The following PNPLA1 variants were observed in gnomAD, a reference collection of about 807,000 sequenced individuals.
PNPLA1 encodes omega-hydroxyceramide transacylase.
A neutral mutation model predicts 51.7 loss-of-function variants in PNPLA1; 36 were observed. That is an observed-to-expected ratio of 0.70 (90% confidence interval 0.53 to 0.92). The LOEUF is 0.92. PNPLA1 is among the 40% of genes least tolerant of loss of function. The pLI is 0.00. For missense variants in PNPLA1, 658 were observed against 682.5 expected, an observed-to-expected ratio of 0.96 and a Z score of 0.40; for synonymous variants, 293 against 280.1, an observed-to-expected ratio of 1.05 and a Z score of -0.46.
intron 7 of PNPLA1, 55 bp downstream of exon 7, chr6:36,306,431 C>A: frequency 1.3e-6 from 2 of 1,488,016 alleles, no homozygotes; most frequent in Non-Finnish European, 1.8e-6. Context: ...GAAGCAAGCC[C>A]GGCTAAGCGA....
chr6:36,269,414 C>G (rs1201334215), upstream of PNPLA1, among the ~76,000 whole-genome samples: 2 of 152,220 alleles, frequency 1.3e-5, no homozygotes, highest in East Asian at 3.9e-4. Flanking sequence ...CACACCACCT[C>G]CCTTACCAAA....
chr6:36,255,195 C>A (rs1769504416), intron 1 of PNPLA1, among the ~76,000 whole-genome samples: 1 of 151,426 alleles, frequency 6.6e-6, no homozygotes, highest in African/African-American at 2.4e-5. Context: ...GGTGAAATCC[C>A]TTCTCTACTA....
Position 36,294,266 on chromosome 6 carries a change from G to A in PNPLA1, c.581G>A (p.Ser194Asn). 6.2e-7 allele frequency: 1 copy of A among 1,614,226 alleles called. No homozygotes were observed. Among genetic ancestry groups the A allele is most frequent in the Non-Finnish European group, 8.5e-7 (1 of 1,180,038 alleles). Residue 194 changes from serine to asparagine, a missense_variant, in exon 4 of 9, where the codon AGT (serine) becomes AAT (asparagine). Physicochemically the swap from Ser to Asn is conservative, Grantham distance 46 (BLOSUM62 1). Coordinates refer to ENST00000636260, the MANE Select transcript of PNPLA1 (RefSeq NM_001374623.1). This position sits in a 1 kb window ranked among gnomAD's most constrained non-coding sequence, Gnocchi z 4.2. The part of the protein sequence containing the change: ...WTDAITISTF[S>N]GQQDICPRDC... Reference sequence around the variant, plus strand: ...GACGCCATCACCATCTCCACCTTCAGTGGGCAGCAGGACATCTGTCCCCGG... The same window carrying A: ...GACGCCATCACCATCTCCACCTTCAATGGGCAGCAGGACATCTGTCCCCGG...
At chr6:36,285,196 G>A (rs1284867269) in intron 1 of PNPLA1, among the ~76,000 whole-genome samples, 2 of 152,342 alleles carry the variant, frequency 1.3e-5, no homozygotes, top group East Asian at 3.9e-4. Flanking sequence ...CAACTCTCAG[G>A]TGATCCATGC....
chr6:36,294,317 TC>T lies in PNPLA1; in HGVS notation c.634del (p.Arg212AlafsTer17), dbSNP rs1770787588. 1.2e-6 allele frequency: 2 copies of T among 1,614,030 alleles called. No homozygotes were observed. The highest frequency in any genetic ancestry group is 1.3e-5 in the African/African-American group (1 of 74,902). On this transcript the variant is annotated frameshift_variant, in exon 4 of 9. Coordinates refer to ENST00000636260, the MANE Select transcript of PNPLA1 (RefSeq NM_001374623.1). LOFTEE classifies it high-confidence loss of function. The surrounding 1 kb of genome is among the most constrained non-coding windows in gnomAD (Gnocchi z 4.2). ...PRDCPAIFHDFRMFNCSFQFS... is the reference protein window; with the variant it reads ...PRDCPAIFHDXRMFNCSFQFS... The stretch of plus-strand genomic sequence containing the variant: ...GACTGCCCGGCCATCTTCCACGACT[TC>T]CGCATGTTCAACTGCTCCTTCCAGT...
chr6:36,292,213 T>C (rs547970067), intron 2 of PNPLA1, among the ~76,000 whole-genome samples: 1 of 151,946 alleles, frequency 6.6e-6, no homozygotes, highest in African/African-American at 2.4e-5. Flanking sequence ...GCTTCGCCAC[T>C]CCATCCTCAT....
At chr6:36,276,303 A>G (rs1042418201) in intron 1 of PNPLA1, among the ~76,000 whole-genome samples, 17 of 152,256 alleles carry the variant, frequency 1.1e-4, no homozygotes, top group African/African-American at 4.1e-4. Context: ...CCACTTTTGT[A>G]GCCAGTTTGG....
rs1209159105 is a variant in PNPLA1 at position 36,282,090 on chromosome 6, AAGG to A, written c.206-9228_206-9226del. Among the ~76,000 whole-genome samples the A allele has an allele frequency of 1.3e-3, 156 of 123,184 alleles. 1 individual carries two copies. The highest frequency in any genetic ancestry group is 4.6e-3 in the African/African-American group (143 of 31,402). The allele number at this position is 123,184 out of a possible 152,430, so 80.8% of individuals were successfully genotyped here. A position where few individuals can be genotyped will look rare whatever the true frequency, so the allele number is the denominator to read the frequency against. Reference sequence around the variant, plus strand: ...GAAAGAAAGAAAGAAAGAAAGAAAGAAGGAAGGAAGGAAGGAAGGAAGGAAGGA... The same window carrying A: ...GAAAGAAAGAAAGAAAGAAAGAAAGAAAGGAAGGAAGGAAGGAAGGAAGGA... On this transcript the variant is annotated intron_variant, in intron 1 of 8. Coordinates refer to ENST00000636260, the MANE Select transcript of PNPLA1 (RefSeq NM_001374623.1).
At chr6:36,278,081 A>C (rs2127330000) in intron 1 of PNPLA1, among the ~76,000 whole-genome samples, 1 of 152,184 alleles carries the variant, frequency 6.6e-6, no homozygotes, top group Admixed American at 6.5e-5. Flanking sequence ...TCCAGACACC[A>C]TCCCATTTTA....
Position 36,291,336 on chromosome 6 carries a change from C to T in PNPLA1, c.222C>T (p.Val74=), listed in dbSNP as rs771751667. ...CGIEMDEYLR[V]LNVGVAEVKK... ...CCTTTGCAGATGAGTATCTCAGAGT[C>T]CTCAACGTGGGTGTGGCCGAGGTGA... Residue 74 remains valine (V), a synonymous_variant, in exon 2 of 9, where the codon GTC becomes GTT. Coordinates refer to ENST00000636260, the MANE Select transcript of PNPLA1 (RefSeq NM_001374623.1). The T allele has an allele frequency of 5.0e-6, 8 of 1,614,048 alleles. No individual in the cohort carries two copies. The highest frequency in any genetic ancestry group is 1.7e-4 in the Middle Eastern group (1 of 6,058).
chr6:36,256,826 C>G (rs911131862), intron 1 of PNPLA1, among the ~76,000 whole-genome samples: 12 of 152,178 alleles, frequency 7.9e-5, no homozygotes, highest in Non-Finnish European at 1.5e-4. Flanking sequence ...AAAAGCATAC[C>G]AATTTATTAA....
At chr6:36,243,646 G>C (rs1769192756) in intron 1 of PNPLA1, among the ~76,000 whole-genome samples, 1 of 152,192 alleles carries the variant, frequency 6.6e-6, no homozygotes, top group Non-Finnish European at 1.5e-5. Flanking sequence ...TACTACCAGA[G>C]AGCCCAGCAG....
In PNPLA1 at chr6:36,282,630, C is replaced by T. The variant is rs61458176; in HGVS notation, c.206-8690C>T. Among the ~76,000 whole-genome samples, 862 of 152,254 alleles carry T rather than the reference C, an allele frequency of 5.7e-3. 9 individuals are homozygous for T. Among genetic ancestry groups the T allele is most frequent in the African/African-American group, 0.02 (828 of 41,544 alleles). ...GGTGCTAACTGAGCCCCTGTGAGTGCCAGGCACTGTATCCCTAACAACCTT... is the reference window on the plus strand; with the variant it reads ...GGTGCTAACTGAGCCCCTGTGAGTGTCAGGCACTGTATCCCTAACAACCTT... On this transcript the variant is annotated intron_variant, in intron 1 of 8. Transcript: ENST00000636260.
chr6:36,250,424 T>A (rs1769395738), intron 1 of PNPLA1, among the ~76,000 whole-genome samples: 1 of 152,204 alleles, frequency 6.6e-6, no homozygotes, highest in African/African-American at 2.4e-5. Context: ...GTGACATTGC[T>A]GAGCAGAGAA....
chr6:36,255,078 TA>T (rs1419197558), intron 1 of PNPLA1, among the ~76,000 whole-genome samples: 1 of 152,184 alleles, frequency 6.6e-6, no homozygotes, highest in Non-Finnish European at 1.5e-5. Context: ...TCCTCTTCTA[TA>T]AACAGAGGTT....
Position 36,301,856 on chromosome 6 carries a change from C to T in PNPLA1, c.776-5C>T. 6.2e-7 allele frequency: 1 copy of T among 1,611,314 alleles called. No individual in the cohort carries two copies. Among genetic ancestry groups the T allele is most frequent in the Non-Finnish European group, 8.5e-7 (1 of 1,178,174 alleles). On this transcript the variant is annotated splice_region_variant and splice_polypyrimidine_tract_variant and intron_variant, in intron 5 of 8. Coordinates refer to ENST00000636260, the MANE Select transcript of PNPLA1 (RefSeq NM_001374623.1). ...AGTAACACCCCATGCTATTGTTTAT[C>T]CTAGATGCTGTTTATCTTAATTCTT... is the stretch of plus-strand genomic sequence containing the variant.
intron 5 of PNPLA1, among the ~76,000 whole-genome samples, chr6:36,298,560 C>T (rs1245100054): frequency 1.3e-5 from 2 of 152,196 alleles, no homozygotes; most frequent in Non-Finnish European, 2.9e-5. Flanking sequence ...AACAACTCCC[C>T]CTTTTCTCCT....
At chr6:36,292,234 C>T (rs1019056876) in intron 2 of PNPLA1, among the ~76,000 whole-genome samples, 1 of 152,108 alleles carries the variant, frequency 6.6e-6, no homozygotes, top group African/African-American at 2.4e-5. Flanking sequence ...CCCATACTGG[C>T]CTGGCAGTAA....
At chr6:36,265,448 T>C (rs1769741247), upstream of PNPLA1, among the ~76,000 whole-genome samples, 1 of 152,226 alleles carries the variant, frequency 6.6e-6, no homozygotes, top group African/African-American at 2.4e-5. Context: ...GTAAACAATT[T>C]CTAAAAATAT....
Sources: allele counts gnomAD v4.1 joint callset (sites outside exome capture counted in the v4.1 genomes callset), GRCh38; gene constraint gnomAD v4.1.1; non-coding constraint Gnocchi (gnomAD v3.1); transcripts MANE v1.5; gene names NCBI Gene and HGNC (gene_info 2026-07-23, HGNC 2026-07-21).